ZBTB20: variants seen among roughly 807,000 people sequenced by gnomAD.
The protein encoded by ZBTB20 is zinc finger and BTB domain-containing protein 20.
ZBTB20 carries 9 observed loss-of-function variants against 56.9 expected under a neutral mutation model. The ratio of observed to expected loss-of-function variants is 0.16; its 90% CI spans 0.10 to 0.28. The LOEUF is 0.28. Ranked by LOEUF, ZBTB20 falls within the 10% of genes least tolerant of loss-of-function variation. ZBTB20 has a pLI of 1.00. For synonymous variants in ZBTB20, 417 were observed against 420.7 expected (o/e 0.99, Z 0.11); for missense variants, 655 against 1,003.0 (o/e 0.65, Z 4.69).
rs146450900 is a variant in ZBTB20, at chr3:114,970,859, C to T, written c.-456+3507G>A. On this transcript the variant is annotated intron_variant, in intron 3 of 11. Coordinates refer to ENST00000675478, the MANE Select transcript of ZBTB20 (RefSeq NM_001348800.3). Reference sequence around the variant, plus strand: ...TGAAACCTCGTGTCTACTAAAAATACAAAAAATTAGCCAGGCATGGTAGTG... The same window carrying T: ...TGAAACCTCGTGTCTACTAAAAATATAAAAAATTAGCCAGGCATGGTAGTG... Among the ~76,000 whole-genome samples the T allele has an allele frequency of 5.3e-4, 80 of 152,054 alleles. 3 individuals are homozygous for T. The highest frequency in any genetic ancestry group is 9.8e-4 in the Admixed American group (15 of 15,274).
chr3:114,955,773 C>CAACA (rs778512195), intron 3 of ZBTB20, among the ~76,000 whole-genome samples: 13 of 151,980 alleles, frequency 8.6e-5, no homozygotes, highest in Non-Finnish European at 1.9e-4. Context: ...AAGGTTAAAC[C>CAACA]AACAAACAAA....
At chr3:115,057,672 T>C (rs2081856892) in intron 2 of ZBTB20, among the ~76,000 whole-genome samples, 1 of 152,204 alleles carries the variant, frequency 6.6e-6, no homozygotes, top group Non-Finnish European at 1.5e-5. Flanking sequence ...TTCCATCTTA[T>C]TTGGTATCAT....
intron 5 of ZBTB20, among the ~76,000 whole-genome samples, chr3:114,763,821 A>G (rs979823345): frequency 6.6e-6 from 1 of 152,150 alleles, no homozygotes; most frequent in African/African-American, 2.4e-5. Flanking sequence ...AAAAATACAT[A>G]ATTATTTTTC....
chr3:114,707,477 T>C (rs2063781556), intron 5 of ZBTB20, among the ~76,000 whole-genome samples: 1 of 152,196 alleles, frequency 6.6e-6, no homozygotes, highest in South Asian at 2.1e-4. Context: ...ACCTTTCTGA[T>C]TTTTCACAAG....
rs1313870144 is a variant in ZBTB20, at chr3:114,843,525, A to G, written c.-416-42351T>C. Among the ~76,000 whole-genome samples, 4 of 152,168 alleles carry G rather than the reference A, an allele frequency of 2.6e-5. No individual in the cohort carries two copies. In the East Asian group the frequency reaches 7.7e-4, roughly 29 times the overall value. ...AAAGCATCTATTTATTCTACCTTGA[A>G]TATATATACACGTATACATATATTT... On this transcript the variant is annotated intron_variant, in intron 4 of 11. Transcript: ENST00000675478.
intron 1 of ZBTB20, among the ~76,000 whole-genome samples, chr3:115,105,951 G>A (rs1056787834): frequency 3.3e-5 from 5 of 152,134 alleles, no homozygotes; most frequent in Non-Finnish European, 1.5e-5. Flanking sequence ...CTGACTAGCT[G>A]GGATTACAGG....
intron 2 of ZBTB20, among the ~76,000 whole-genome samples, chr3:115,009,612 G>A (rs2079615941): frequency 6.6e-6 from 1 of 151,954 alleles, no homozygotes. Flanking sequence ...AAGTTCATGT[G>A]TTGGAAACTC....
intron 4 of ZBTB20, among the ~76,000 whole-genome samples, chr3:114,824,524 T>C (rs1339590815): frequency 6.6e-6 from 1 of 152,002 alleles, no homozygotes; most frequent in East Asian, 1.9e-4. Flanking sequence ...CCAATAAATT[T>C]TGGTGACAAC....
At chr3:114,434,974 T>C (rs985986340) in intron 7 of ZBTB20, among the ~76,000 whole-genome samples, 1 of 152,158 alleles carries the variant, frequency 6.6e-6, no homozygotes. Flanking sequence ...TGATCCATTG[T>C]CTCACCAATG....
chr3:114,518,414 A>G (rs754292005), intron 6 of ZBTB20: 3 of 152,256 alleles, frequency 2.0e-5, no homozygotes, highest in Admixed American at 6.5e-5. Context: ...TGAACTAATC[A>G]CTTGCCAAGT....
intron 1 of ZBTB20, among the ~76,000 whole-genome samples, chr3:115,136,360 C>T (rs2084652792): frequency 6.6e-6 from 1 of 151,914 alleles, no homozygotes; most frequent in Non-Finnish European, 1.5e-5. Context: ...AGGATAAGTA[C>T]AAAAAAGCCT....
At chr3:115,076,906 A>G (rs982185113) in intron 1 of ZBTB20, among the ~76,000 whole-genome samples, 4 of 152,338 alleles carry the variant, frequency 2.6e-5, no homozygotes, top group Non-Finnish European at 5.9e-5. Context: ...TTAGAGCCTT[A>G]TAAGAAGTCC....
chr3:114,998,572 G>A (rs1041879148), intron 2 of ZBTB20, among the ~76,000 whole-genome samples: 4 of 151,744 alleles, frequency 2.6e-5, no homozygotes, highest in Non-Finnish European at 5.9e-5. Flanking sequence ...GGTAAAGCAT[G>A]ATGATGTAGA....
At chr3:114,755,010 C>T (rs1423463507) in intron 5 of ZBTB20, among the ~76,000 whole-genome samples, 1 of 152,138 alleles carries the variant, frequency 6.6e-6, no homozygotes, top group Non-Finnish European at 1.5e-5. Context: ...CTAACCTGGG[C>T]AGTTTCCTAA....
chr3:114,843,823 C>G (rs889464236), intron 4 of ZBTB20, among the ~76,000 whole-genome samples: 1 of 148,028 alleles, frequency 6.8e-6, no homozygotes. Context: ...ACTACAGGTG[C>G]CTGCCATCAC....
At chr3:114,398,529 T>C (rs2086538584) in intron 7 of ZBTB20, among the ~76,000 whole-genome samples, 1 of 152,120 alleles carries the variant, frequency 6.6e-6, no homozygotes, top group African/African-American at 2.4e-5. Context: ...TCTAAGGATG[T>C]GGATAAAGGC....
chr3:114,895,309 T>C (rs370507581), intron 4 of ZBTB20, among the ~76,000 whole-genome samples: 1 of 152,212 alleles, frequency 6.6e-6, no homozygotes, highest in Non-Finnish European at 1.5e-5. Context: ...GTCATTTTGA[T>C]GCATATGAAA....
chr3:114,716,142 C>T (rs1056839256), intron 5 of ZBTB20, among the ~76,000 whole-genome samples: 3 of 152,298 alleles, frequency 2.0e-5, no homozygotes, highest in African/African-American at 7.2e-5. Context: ...TAGAACATTT[C>T]CGAAATACAC....
At chr3:114,814,166 A>G (rs1469400369) in intron 4 of ZBTB20, among the ~76,000 whole-genome samples, 1 of 151,430 alleles carries the variant, frequency 6.6e-6, no homozygotes, top group African/African-American at 2.4e-5. Context: ...TGCTTTTTAA[A>G]TGTAGGTCAA....
Sources: allele counts gnomAD v4.1 joint callset (sites outside exome capture counted in the v4.1 genomes callset), GRCh38; gene constraint gnomAD v4.1.1; transcripts MANE v1.5; gene names NCBI Gene and HGNC (gene_info 2026-07-23, HGNC 2026-07-21).